Variants in XIRP2 observed in about 807,000 individuals in gnomAD.
XIRP2 encodes the protein xin actin binding repeat containing 2.
XIRP2 carries 236 observed loss-of-function variants against 277.0 expected under a neutral mutation model. The observed-to-expected ratio is 0.85, with a 90% CI of 0.77 to 0.95. XIRP2 has a LOEUF of 0.95. Among genes scored for constraint, XIRP2 ranks in the 40% least tolerant of loss-of-function variants. The pLI, the probability that XIRP2 is intolerant of heterozygous loss-of-function variation, is 0.00. For synonymous variants in XIRP2, 1,490 were observed against 1,416.5 expected, an observed-to-expected ratio of 1.05 and a Z score of -1.17; for missense variants, 4,640 against 4,157.5, an observed-to-expected ratio of 1.12 and a Z score of -3.19.
chr2:167,174,349 G>A lies in XIRP2; in HGVS notation c.563-36386G>A, dbSNP rs902547357. On this transcript the variant is annotated intron_variant, in intron 3 of 10. Transcript: ENST00000409195. ...CTTCCTGGTTTAGTCTTGGGAGGGT[G>A]TATATGTCCAGCAATTTATCCATTT... Among the ~76,000 whole-genome samples, 9 of 152,236 alleles carry A rather than the reference G, an allele frequency of 5.9e-5. No individual in the cohort carries two copies. The South Asian group carries it at 1.9e-3, about 32-fold the overall frequency.
intron 2 of XIRP2, among the ~76,000 whole-genome samples, chr2:167,097,407 G>A (rs1445854599): frequency 6.6e-6 from 1 of 151,904 alleles, no homozygotes; most frequent in Non-Finnish European, 1.5e-5. Context: ...CATTTGCTTG[G>A]TGAATCTTCC....
At chr2:167,163,166 T>C (rs1169615767) in intron 3 of XIRP2, among the ~76,000 whole-genome samples, 16 of 152,212 alleles carry the variant, frequency 1.1e-4, no homozygotes. Context: ...TGTGGACATA[T>C]AGTTTCACTT....
In XIRP2 at chr2:166,972,071, A is replaced by G. The variant is rs1274607464; in HGVS notation, c.408+68181A>G. 2.0e-5 allele frequency among the ~76,000 whole-genome samples: 3 copies of G among 152,116 alleles called. No individual in the cohort carries two copies. The East Asian group carries it at 5.8e-4, about 29-fold the overall frequency. On this transcript the variant is annotated intron_variant, in intron 2 of 10. Coordinates refer to ENST00000409195, the MANE Select transcript of XIRP2 (RefSeq NM_152381.6). ...ACCATTCGGAGGTGATTAGATTTAG[A>G]TGAGCCCCCACCTCCCGCCCCATAA... is the stretch of plus-strand genomic sequence containing the variant.
In XIRP2 at chr2:167,258,245, A is replaced by G. The variant is rs779726366; in HGVS notation, c.*428A>G. Reference sequence around the variant, plus strand: ...GAGTAAACCTAAGTGGCCACCTGAAATGACAACCCTGCTATCCCCTGAATT... The same window carrying G: ...GAGTAAACCTAAGTGGCCACCTGAAGTGACAACCCTGCTATCCCCTGAATT... On this transcript the variant is annotated 3_prime_UTR_variant, in exon 11 of 11. Transcript: ENST00000409195. 6.2e-7 allele frequency: 1 copy of G among 1,613,150 alleles called. No homozygotes were observed. Among genetic ancestry groups the G allele is most frequent in the Non-Finnish European group, 8.5e-7 (1 of 1,179,600 alleles).
chr2:167,176,082 A>G (rs965051060), intron 3 of XIRP2, among the ~76,000 whole-genome samples: 6 of 151,976 alleles, frequency 3.9e-5, no homozygotes, highest in Non-Finnish European at 8.8e-5. Context: ...GCTGAGCTAG[A>G]CCACTTGGCT....
intron 2 of XIRP2, among the ~76,000 whole-genome samples, chr2:167,055,717 A>G (rs925154261): frequency 3.3e-5 from 5 of 152,312 alleles, no homozygotes; most frequent in Admixed American, 6.5e-5. Context: ...GTATTAGAAT[A>G]AGAAGGTATA....
At chr2:167,045,028 T>A (rs565940723) in intron 2 of XIRP2, among the ~76,000 whole-genome samples, 4 of 151,112 alleles carry the variant, frequency 2.6e-5, no homozygotes, top group African/African-American at 9.7e-5. Context: ...AAAAACAGCA[T>A]ACTATTGGAA....
Position 167,247,592 on chromosome 2 carries a change from A to G in XIRP2, c.6200A>G (p.Asp2067Gly). The change falls in exon 9 of 11, where the codon GAT (aspartate) becomes GGT (glycine). Residue 2067 changes from aspartate to glycine, a missense_variant. Coordinates refer to ENST00000409195, the MANE Select transcript of XIRP2 (RefSeq NM_152381.6). ...GGAGACAAAACGGGTGTCTGGACTGATACTACAGGAGAACAGCATCTTAGA... is the reference window on the plus strand; with the variant it reads ...GGAGACAAAACGGGTGTCTGGACTGGTACTACAGGAGAACAGCATCTTAGA... Reference protein sequence around the residue: ...ESGDKTGVWTDTTGEQHLRDE... With the variant: ...ESGDKTGVWTGTTGEQHLRDE... 6.2e-7 allele frequency: 1 copy of G among 1,613,716 alleles called. No individual in the cohort carries two copies.
intron 2 of XIRP2, among the ~76,000 whole-genome samples, chr2:166,934,326 G>T (rs960847275): frequency 3.3e-4 from 50 of 151,434 alleles, no homozygotes; most frequent in African/African-American, 1.1e-3. Context: ...GCTTCAAAAA[G>T]CTGAGGATGA....
intron 2 of XIRP2, among the ~76,000 whole-genome samples, chr2:166,918,240 G>A (rs1684943416): frequency 6.6e-6 from 1 of 152,066 alleles, no homozygotes; most frequent in South Asian, 2.1e-4. Flanking sequence ...ACTTCTTGCA[G>A]GATGAGCTTT....
At chr2:167,183,329 A>T (rs556332221) in intron 3 of XIRP2, among the ~76,000 whole-genome samples, 1 of 152,320 alleles carries the variant, frequency 6.6e-6, no homozygotes, top group East Asian at 1.9e-4. Flanking sequence ...GAGAATGTAG[A>T]TGTAGCTTGT....
At chr2:166,923,314 GA>G (rs757889788) in intron 2 of XIRP2, among the ~76,000 whole-genome samples, 4 of 152,100 alleles carry the variant, frequency 2.6e-5, no homozygotes, top group Non-Finnish European at 4.4e-5. Flanking sequence ...TTGCTCAAAA[GA>G]GCCTGAATAG....
chr2:166,950,774 G>C (rs746497414), intron 2 of XIRP2, among the ~76,000 whole-genome samples: 4 of 151,972 alleles, frequency 2.6e-5, no homozygotes, highest in South Asian at 4.1e-4. Context: ...ATTTCTTCTT[G>C]TTGTTATGGT....
chr2:167,232,092 G>A (rs969819844), intron 5 of XIRP2, among the ~76,000 whole-genome samples: 1 of 151,972 alleles, frequency 6.6e-6, no homozygotes, highest in Non-Finnish European at 1.5e-5. Flanking sequence ...TCCAATGCTT[G>A]AAACTGGGAG....
At chr2:167,167,711 A>G (rs986455470) in intron 3 of XIRP2, among the ~76,000 whole-genome samples, 1 of 152,132 alleles carries the variant, frequency 6.6e-6, no homozygotes, top group African/African-American at 2.4e-5. Flanking sequence ...CATATAGCAC[A>G]TACATAAGCA....
intron 3 of XIRP2, among the ~76,000 whole-genome samples, chr2:167,188,207 C>A (rs1401121975): frequency 6.6e-6 from 1 of 152,158 alleles, no homozygotes; most frequent in Non-Finnish European, 1.5e-5. Flanking sequence ...GCCCTATATA[C>A]TGTTTCAAAT....
At chr2:166,950,995 G>A in intron 2 of XIRP2, among the ~76,000 whole-genome samples, 1 of 151,794 alleles carries the variant, frequency 6.6e-6, no homozygotes, top group East Asian at 1.9e-4. Context: ...AGAGTATTTG[G>A]GATCAAATAA....
At chr2:167,031,624 A>T (rs1401950970) in intron 2 of XIRP2, among the ~76,000 whole-genome samples, 2 of 152,180 alleles carry the variant, frequency 1.3e-5, no homozygotes, top group Admixed American at 6.6e-5. Flanking sequence ...ATGCAAAATC[A>T]ATGTGCAGAA....
intron 2 of XIRP2, among the ~76,000 whole-genome samples, chr2:167,101,880 T>A (rs899196041): frequency 6.6e-6 from 1 of 152,180 alleles, no homozygotes; most frequent in African/African-American, 2.4e-5. Context: ...ATATAGGATA[T>A]TTGCATTCAT....
Sources: allele counts gnomAD v4.1 joint callset (sites outside exome capture counted in the v4.1 genomes callset), GRCh38; gene constraint gnomAD v4.1.1; transcripts MANE v1.5; gene names NCBI Gene and HGNC (gene_info 2026-07-23, HGNC 2026-07-21).